Variants in MTUS2 observed in about 807,000 individuals in gnomAD.
The protein encoded by MTUS2 is microtubule-associated tumor suppressor candidate 2.
A neutral mutation model predicts 114.1 loss-of-function variants in MTUS2; 40 were observed. The ratio of observed to expected loss-of-function variants is 0.35; its 90% CI spans 0.27 to 0.46. The LOEUF is 0.46. MTUS2 is among the 20% of genes least tolerant of loss of function. The pLI is 1.00. For synonymous variants in MTUS2, 688 were observed against 672.0 expected, an observed-to-expected ratio of 1.02 and a Z score of -0.37; for missense variants, 1,679 against 1,705.4, an observed-to-expected ratio of 0.98 and a Z score of 0.27.
chr13:29,115,819 C>T (rs4432107), intron 5 of MTUS2, among the ~76,000 whole-genome samples: 65,027 of 152,010 alleles, frequency 0.43, 15,310 homozygotes, highest in Non-Finnish European at 0.51. Context: ...GGTTCTTCAT[C>T]AGTAAAAGGA....
chr13:28,949,712 A>G (rs1309657662), intron 2 of MTUS2, among the ~76,000 whole-genome samples: 1 of 152,136 alleles, frequency 6.6e-6, no homozygotes, highest in Non-Finnish European at 1.5e-5. Flanking sequence ...TACAATATTG[A>G]TCCTTCTGTG....
At chr13:28,830,350 G>T (rs1874580749) in intron 1 of MTUS2, among the ~76,000 whole-genome samples, 1 of 152,038 alleles carries the variant, frequency 6.6e-6, no homozygotes, top group Admixed American at 6.6e-5. Context: ...TTTTAAATTA[G>T]CTATTATAAA....
intron 5 of MTUS2, among the ~76,000 whole-genome samples, chr13:29,202,764 C>T (rs1008199141): frequency 3.3e-5 from 5 of 152,206 alleles, no homozygotes; most frequent in African/African-American, 1.2e-4. Context: ...AGTCAGGCCC[C>T]TCTACTGCAG....
intron 2 of MTUS2, among the ~76,000 whole-genome samples, chr13:28,869,971 G>A (rs183602630): frequency 6.6e-6 from 1 of 152,084 alleles, no homozygotes; most frequent in Admixed American, 6.6e-5. Context: ...TCTTTTATAT[G>A]CATTTTCTGT....
intron 8 of MTUS2, among the ~76,000 whole-genome samples, chr13:29,419,635 A>G (rs905402760): frequency 2.0e-5 from 3 of 152,174 alleles, no homozygotes; most frequent in Non-Finnish European, 2.9e-5. Context: ...GACAATAGCT[A>G]CTGTTGCTGG....
intron 2 of MTUS2, among the ~76,000 whole-genome samples, chr13:29,008,583 A>G (rs1374503282): frequency 6.6e-6 from 1 of 152,186 alleles, no homozygotes; most frequent in African/African-American, 2.4e-5. Context: ...GCATGTTTGA[A>G]AATGTATTTA....
chr13:28,833,939 TA>T (rs1227328608), intron 1 of MTUS2, among the ~76,000 whole-genome samples: 1 of 152,118 alleles, frequency 6.6e-6, no homozygotes, highest in Non-Finnish European at 1.5e-5. Context: ...TCAAAAAGAA[TA>T]AGATATTTAG....
chr13:28,933,663 C>G (rs944406171), intron 2 of MTUS2, among the ~76,000 whole-genome samples: 4 of 152,192 alleles, frequency 2.6e-5, no homozygotes, highest in Non-Finnish European at 4.4e-5. Context: ...TGGGGCTTAG[C>G]GTCCAGTGAC....
intron 2 of MTUS2, among the ~76,000 whole-genome samples, chr13:28,847,118 A>G (rs1054733884): frequency 2.6e-5 from 4 of 152,212 alleles, no homozygotes; most frequent in African/African-American, 9.7e-5. Flanking sequence ...CTGCTGAGCC[A>G]GTGTGCTGTA....
Position 29,318,981 on chromosome 13 carries a change from T to C in MTUS2, c.2807-5632T>C, listed in dbSNP as rs79561303. Among the ~76,000 whole-genome samples the C allele has an allele frequency of 6.6e-3, 999 of 152,280 alleles. 10 individuals carry two copies. The highest frequency in any genetic ancestry group is 0.023 in the African/African-American group (942 of 41,556). On this transcript the variant is annotated intron_variant, in intron 6 of 15. Coordinates refer to ENST00000612955, the MANE Select transcript of MTUS2 (RefSeq NM_001033602.4). ...TCTGAGACCAGACTGAGGCTGGCAT[T>C]TCTTTCCCTCCTGCTGCCTTCTTCC...
chr13:28,891,794 C>T (rs1256971330), intron 2 of MTUS2, among the ~76,000 whole-genome samples: 3 of 138,630 alleles, frequency 2.2e-5, no homozygotes, highest in African/African-American at 8.0e-5. Context: ...AGGAGAGTCG[C>T]TTGAACCAGG....
chr13:29,471,504 C>CT (rs1458607957), intron 9 of MTUS2, among the ~76,000 whole-genome samples: 1 of 152,264 alleles, frequency 6.6e-6, no homozygotes, highest in Admixed American at 6.5e-5. Flanking sequence ...GTTGGCCTGC[C>CT]TATCTGAACA....
chr13:28,901,224 T>G (rs1008664336), intron 2 of MTUS2, among the ~76,000 whole-genome samples: 1 of 152,210 alleles, frequency 6.6e-6, no homozygotes, highest in Admixed American at 6.5e-5. Flanking sequence ...ATTTTTTAAG[T>G]CTTGACTTTT....
At chr13:28,822,814 A>T (rs1302319130) in intron 1 of MTUS2, among the ~76,000 whole-genome samples, 1 of 152,216 alleles carries the variant, frequency 6.6e-6, no homozygotes, top group Admixed American at 6.5e-5. Context: ...GTATTAACTT[A>T]TAAAATTGCC....
intron 8 of MTUS2, among the ~76,000 whole-genome samples, chr13:29,382,494 A>G (rs1373760115): frequency 6.6e-6 from 1 of 152,148 alleles, no homozygotes; most frequent in Admixed American, 6.6e-5. Flanking sequence ...GAGAAAAGGT[A>G]GCTACAAAGG....
chr13:28,826,675 C>T (rs968555672), intron 1 of MTUS2, among the ~76,000 whole-genome samples: 5 of 152,190 alleles, frequency 3.3e-5, no homozygotes, highest in Admixed American at 6.5e-5. Context: ...AATGCATTAG[C>T]GTCTATGAAG....
chr13:28,933,415 A>G (rs1244714430), intron 2 of MTUS2, among the ~76,000 whole-genome samples: 1 of 152,170 alleles, frequency 6.6e-6, no homozygotes, highest in African/African-American at 2.4e-5. Flanking sequence ...CCTTCCACTG[A>G]TCGGATAAGG....
intron 6 of MTUS2, among the ~76,000 whole-genome samples, chr13:29,317,775 T>C (rs1593296065): frequency 6.6e-6 from 1 of 152,218 alleles, no homozygotes; most frequent in Non-Finnish European, 1.5e-5. Context: ...GTTTCCTCTT[T>C]TATTTGATAT....
At chr13:29,004,864 A>G (rs1225382526) in intron 2 of MTUS2, among the ~76,000 whole-genome samples, 2 of 152,196 alleles carry the variant, frequency 1.3e-5, no homozygotes, top group Non-Finnish European at 2.9e-5. Context: ...CCTATAGCAA[A>G]TAGTTGTACA....
Sources: allele counts gnomAD v4.1 joint callset (sites outside exome capture counted in the v4.1 genomes callset), GRCh38; gene constraint gnomAD v4.1.1; transcripts MANE v1.5; gene names NCBI Gene and HGNC (gene_info 2026-07-23, HGNC 2026-07-21).